Variants in AGBL1 observed in about 807,000 individuals in gnomAD.
AGBL1 encodes cytosolic carboxypeptidase 4.
A neutral mutation model predicts 118.9 loss-of-function variants in AGBL1; 130 were observed. The ratio of observed to expected loss-of-function variants is 1.09; its 90% CI spans 0.95 to 1.26. The LOEUF (loss-of-function observed/expected upper bound fraction) is 1.26. Ranked by LOEUF, AGBL1 falls within the 50% of genes most tolerant of loss-of-function variation. AGBL1 has a pLI of 0.00. For missense variants in AGBL1, 1,584 were observed against 1,298.1 expected (o/e 1.22, Z -3.38); for synonymous variants, 555 against 478.9 (o/e 1.16, Z -2.08).
At chr15:86,629,176 T>G (rs1216501507) in intron 21 of AGBL1, among the ~76,000 whole-genome samples, 1 of 152,168 alleles carries the variant, frequency 6.6e-6, no homozygotes, top group South Asian at 2.1e-4. Context: ...CCATTCTACT[T>G]GGTTTCTATG....
chr15:86,830,395 A>G (rs2079087945), intron 22 of AGBL1, among the ~76,000 whole-genome samples: 1 of 152,144 alleles, frequency 6.6e-6, no homozygotes, highest in African/African-American at 2.4e-5. Flanking sequence ...ATAGTAAAGC[A>G]TTCAGATCTC....
chr15:87,021,997 G>T (rs1159297555), intron 24 of AGBL1, among the ~76,000 whole-genome samples: 2 of 152,070 alleles, frequency 1.3e-5, no homozygotes, highest in African/African-American at 2.4e-5. Context: ...CCCAGTACTG[G>T]CCCAGAGCCT....
chr15:86,817,309 A>C (rs1182493256), intron 22 of AGBL1, among the ~76,000 whole-genome samples: 3 of 151,448 alleles, frequency 2.0e-5, no homozygotes, highest in African/African-American at 7.3e-5. Context: ...AAAAAAAAAA[A>C]ACCACCAAAC....
intron 22 of AGBL1, among the ~76,000 whole-genome samples, chr15:86,870,214 A>G (rs527923103): frequency 6.6e-6 from 1 of 152,230 alleles, no homozygotes; most frequent in East Asian, 1.9e-4. Context: ...TATAGCCACT[A>G]ATACTTAATG....
chr15:86,752,713 AGAATAGATACCTTT>A (rs767442070), intron 22 of AGBL1, among the ~76,000 whole-genome samples: 3 of 152,100 alleles, frequency 2.0e-5, no homozygotes, highest in African/African-American at 4.8e-5. Context: ...CCACCTCCAA[AGAATAGATACCTTT>A]GAAGCCATAT....
At chr15:86,528,143 C>T (rs1390571520) in intron 19 of AGBL1, among the ~76,000 whole-genome samples, 3 of 152,188 alleles carry the variant, frequency 2.0e-5, no homozygotes, top group Non-Finnish European at 2.9e-5. Flanking sequence ...GTCTACAGCT[C>T]CCAGCGTGAG....
chr15:86,665,672 CCTT>C (rs1293283317), intron 21 of AGBL1, among the ~76,000 whole-genome samples: 4 of 152,022 alleles, frequency 2.6e-5, no homozygotes, highest in African/African-American at 7.2e-5. Context: ...CATTGAAAAA[CCTT>C]CTCCTGGTTT....
chr15:86,104,522 A>C (rs894293200), intron 1 of AGBL1, among the ~76,000 whole-genome samples: 1 of 152,302 alleles, frequency 6.6e-6, no homozygotes, highest in East Asian at 1.9e-4. Flanking sequence ...TGCAGCAGCC[A>C]GTAGTGGCAA....
At chr15:86,962,335 C>T (rs2081000873) in intron 23 of AGBL1, among the ~76,000 whole-genome samples, 2 of 152,018 alleles carry the variant, frequency 1.3e-5, no homozygotes, top group Admixed American at 1.3e-4. Flanking sequence ...TCTGGAATAG[C>T]ATTTCCAAAT....
At position 86,665,958 on chromosome 15, in the gene AGBL1, C is replaced by T. The variant is rs149174241; in HGVS notation, c.2995-8315C>T. 5.1e-3 allele frequency among the ~76,000 whole-genome samples: 775 copies of T among 152,118 alleles called. 5 individuals carry two copies. Among genetic ancestry groups the T allele is most frequent in the African/African-American group, 0.017 (715 of 41,498 alleles). On this transcript the variant is annotated intron_variant, in intron 21 of 22. Coordinates refer to ENST00000614907, the MANE Select transcript of AGBL1 (RefSeq NM_001386094.1). ...TGCCTGCCATGTTTTATATCAATAC[C>T]GAAACATTTCATCATCATCGCGTAG...
intron 17 of AGBL1, among the ~76,000 whole-genome samples, chr15:86,353,595 AT>A (rs1256683878): frequency 6.6e-6 from 1 of 152,182 alleles, no homozygotes; most frequent in African/African-American, 2.4e-5. Context: ...AGTGTGTGTG[AT>A]TTTATGATAA....
At chr15:86,278,611 C>T (rs1360524936) in intron 15 of AGBL1, among the ~76,000 whole-genome samples, 1 of 152,128 alleles carries the variant, frequency 6.6e-6, no homozygotes, top group Non-Finnish European at 1.5e-5. Context: ...GAATAATTAC[C>T]TACTATTTCT....
At chr15:86,358,320 A>G (rs1487666206) in intron 17 of AGBL1, among the ~76,000 whole-genome samples, 1 of 152,044 alleles carries the variant, frequency 6.6e-6, no homozygotes, top group African/African-American at 2.4e-5. Context: ...ACTTAACATA[A>G]TATCCTTCAG....
intron 5 of AGBL1, among the ~76,000 whole-genome samples, chr15:86,167,172 GGAAA>G (rs1047027010): frequency 2.0e-4 from 31 of 152,056 alleles, no homozygotes; most frequent in South Asian, 4.1e-4. Context: ...GGGGAGGTAT[GGAAA>G]GACTCTTATC....
intron 22 of AGBL1, among the ~76,000 whole-genome samples, chr15:86,742,429 T>C (rs548206652): frequency 6.6e-6 from 1 of 152,312 alleles, no homozygotes; most frequent in African/African-American, 2.4e-5. Flanking sequence ...AAAAGTTGTT[T>C]CTCTGTTAAT....
chr15:86,631,450 G>A (rs753747349), intron 21 of AGBL1, among the ~76,000 whole-genome samples: 35 of 152,226 alleles, frequency 2.3e-4, no homozygotes, highest in Non-Finnish European at 4.7e-4. Flanking sequence ...GAGAGATTCA[G>A]AGAGATTGTG....
chr15:86,978,860 T>G (rs996099498), intron 23 of AGBL1, among the ~76,000 whole-genome samples: 1 of 152,188 alleles, frequency 6.6e-6, no homozygotes, highest in Non-Finnish European at 1.5e-5. Flanking sequence ...TGAACTTACA[T>G]AGTCCAGTGG....
chr15:86,081,983 G>C (rs1895317811), intron 1 of AGBL1, among the ~76,000 whole-genome samples: 1 of 152,172 alleles, frequency 6.6e-6, no homozygotes, highest in South Asian at 2.1e-4. Flanking sequence ...ATGTTCACTA[G>C]ACTCTACTTA....
In AGBL1 at chr15:86,406,615, C is replaced by T. The variant is rs190445395; in HGVS notation, c.2555+9069C>T. Among the ~76,000 whole-genome samples the T allele has an allele frequency of 2.6e-3, 389 of 152,210 alleles. 1 individual carries two copies. The highest frequency in any genetic ancestry group is 9.1e-3 in the African/African-American group (376 of 41,546). ...GGAATTTTGTAACGTAGAGGCTCTT[C>T]CTGAATCAAGCTGCCCAGAGAAAAA... On this transcript the variant is annotated intron_variant, in intron 18 of 22. Coordinates refer to ENST00000614907, the MANE Select transcript of AGBL1 (RefSeq NM_001386094.1).
Sources: allele counts gnomAD v4.1 joint callset (sites outside exome capture counted in the v4.1 genomes callset), GRCh38; gene constraint gnomAD v4.1.1; transcripts MANE v1.5; gene names NCBI Gene and HGNC (gene_info 2026-07-23, HGNC 2026-07-21).